The following TRIP12 variants were observed in gnomAD, a reference collection of about 807,000 sequenced individuals.
TRIP12 encodes the protein thyroid hormone receptor interactor 12, also known as E3 ubiquitin-protein ligase TRIP12.
TRIP12 carries 25 observed loss-of-function variants against 244.2 expected under a neutral mutation model. That is an observed-to-expected ratio of 0.10 (90% confidence interval 0.07 to 0.14). The LOEUF is 0.14. Among genes scored for constraint, TRIP12 ranks in the 10% least tolerant of loss-of-function variants. TRIP12 has a pLI of 1.00. For missense variants in TRIP12, 1,677 were observed against 2,486.4 expected, an observed-to-expected ratio of 0.67 and a Z score of 6.92; for synonymous variants, 905 against 873.1, an observed-to-expected ratio of 1.04 and a Z score of -0.64.
At chr2:229,897,519 G>A (rs1200654157) in intron 1 of TRIP12, among the ~76,000 whole-genome samples, 1 of 152,086 alleles carries the variant, frequency 6.6e-6, no homozygotes, top group Non-Finnish European at 1.5e-5. Flanking sequence ...GTGGTGGCAT[G>A]CGCCTGTAAT....
At chr2:229,837,256 A>T (rs947179357) in intron 5 of TRIP12, among the ~76,000 whole-genome samples, 1 of 152,230 alleles carries the variant, frequency 6.6e-6, no homozygotes, top group Non-Finnish European at 1.5e-5. Flanking sequence ...AACACTTCCA[A>T]CTAAAAAGAA....
intron 1 of TRIP12, among the ~76,000 whole-genome samples, chr2:229,913,130 A>G (rs534172293): frequency 6.6e-6 from 1 of 152,314 alleles, no homozygotes; most frequent in East Asian, 1.9e-4. Flanking sequence ...AATTACAGGC[A>G]TGAGCCACAG....
chr2:229,867,141 C>G (rs1576344635), intron 2 of TRIP12, among the ~76,000 whole-genome samples: 1 of 130,562 alleles, frequency 7.7e-6, no homozygotes, highest in South Asian at 2.5e-4. Context: ...TATGGTCAGA[C>G]AGGGAAGGTT....
chr2:229,876,680 G>A (rs1277542374), intron 2 of TRIP12, among the ~76,000 whole-genome samples: 1 of 152,108 alleles, frequency 6.6e-6, no homozygotes, highest in African/African-American at 2.4e-5. Context: ...TATTTTTTGA[G>A]ACAGGGTCTT....
intron 1 of TRIP12, among the ~76,000 whole-genome samples, chr2:229,890,140 C>G (rs551262224): frequency 6.8e-6 from 1 of 147,074 alleles, no homozygotes; most frequent in African/African-American, 2.6e-5. Flanking sequence ...AGTGCAATGG[C>G]GCAGTCTAGG....
chr2:229,794,515 A>G (rs1336430422), intron 26 of TRIP12, among the ~76,000 whole-genome samples: 4 of 152,152 alleles, frequency 2.6e-5, no homozygotes, highest in African/African-American at 9.7e-5. Context: ...GCAGTGAGCC[A>G]TGTTCACACT....
chr2:229,852,266 T>C (rs2058855112), intron 4 of TRIP12, among the ~76,000 whole-genome samples: 1 of 152,228 alleles, frequency 6.6e-6, no homozygotes, highest in Non-Finnish European at 1.5e-5. Context: ...AACTTAAGTT[T>C]TTCTATAAAC....
At chr2:229,888,370 TC>T (rs2066498137) in intron 1 of TRIP12, among the ~76,000 whole-genome samples, 1 of 151,946 alleles carries the variant, frequency 6.6e-6, no homozygotes, top group Non-Finnish European at 1.5e-5. Context: ...GATTCTATTT[TC>T]TCTATGAAAA....
At chr2:229,841,124 C>T (rs1455739773) in intron 4 of TRIP12, among the ~76,000 whole-genome samples, 197 bp from the exon 5 acceptor site, 2 of 152,176 alleles carry the variant, frequency 1.3e-5, no homozygotes, top group South Asian at 2.1e-4. Flanking sequence ...AGTTCAGGAT[C>T]GGTCTTCTCA....
At chr2:229,892,671 G>A (rs1176810769) in intron 1 of TRIP12, among the ~76,000 whole-genome samples, 2 of 152,082 alleles carry the variant, frequency 1.3e-5, no homozygotes, top group African/African-American at 2.4e-5. Context: ...TTTGAGACCA[G>A]CCTGGGCAGC....
chr2:229,855,339 TGTAAG>T (rs2059411226), intron 4 of TRIP12, among the ~76,000 whole-genome samples: 3 of 152,294 alleles, frequency 2.0e-5, no homozygotes, highest in African/African-American at 7.2e-5. Flanking sequence ...AGATGACTCA[TGTAAG>T]GTATTCAGAA....
chr2:229,829,196 C>A lies in TRIP12; in HGVS notation c.1447G>T (p.Ala483Ser). Reference protein sequence around the residue: ...QLFHRTIGSGASSKAQQLLQG... With the variant: ...QLFHRTIGSGSSSKAQQLLQG... ...GGGAAGGAACATTTTTACTTACTAG[C>A]TCCACTTCCAATTGTTCTATGGAAA... Residue 483 changes from alanine (A) to serine (S), a missense_variant, in exon 8 of 42, where the codon GCT becomes TCT. By Grantham distance (99) the Ala-to-Ser change is moderately conservative (BLOSUM62 1). Coordinates refer to ENST00000675903, the MANE Select transcript of TRIP12 (RefSeq NM_001348323.3). 1 of 1,613,742 alleles carries A rather than the reference C, an allele frequency of 6.2e-7. No individual in the cohort carries two copies. Among genetic ancestry groups the A allele is most frequent in the South Asian group, 1.1e-5 (1 of 91,018 alleles).
intron 2 of TRIP12, among the ~76,000 whole-genome samples, chr2:229,861,162 A>G (rs1472007851): frequency 6.6e-6 from 1 of 152,218 alleles, no homozygotes; most frequent in Non-Finnish European, 1.5e-5. Flanking sequence ...AAAGTCCTGG[A>G]GAAATATGGA....
chr2:229,807,652 C>T (rs773929284), intron 17 of TRIP12, 56 bp downstream of exon 17: 3 of 1,604,826 alleles, frequency 1.9e-6, no homozygotes, highest in East Asian at 2.2e-5. Context: ...CATTCCATCC[C>T]TACACCCACT....
upstream of TRIP12, chr2:229,922,346 G>C (rs555364024): frequency 3.8e-4 from 241 of 627,974 alleles, no homozygotes; most frequent in East Asian, 4.0e-3. Context: ...GAAATTTCAC[G>C]GATCAGGGTT....
intron 4 of TRIP12, among the ~76,000 whole-genome samples, chr2:229,843,413 G>A (rs190669320): frequency 1.4e-4 from 22 of 152,270 alleles, no homozygotes; most frequent in Admixed American, 1.1e-3. Context: ...CAATACAGAC[G>A]TATCTATAAA....
At chr2:229,782,945 TGAAA>T (rs2038750378) in intron 34 of TRIP12, among the ~76,000 whole-genome samples, 1 of 151,952 alleles carries the variant, frequency 6.6e-6, no homozygotes, top group South Asian at 2.1e-4. Flanking sequence ...AAAAATTAGG[TGAAA>T]GAAGAGGGGG....
In TRIP12 at chr2:229,858,933, C is replaced by G. The variant is rs750845263; in HGVS notation, c.866G>C (p.Arg289Thr). The part of the protein sequence containing the change: ...ASSPSPRRSS[R>T]EKEQSKTGGS... ...ACCAGTTTTACTCTGTTCCTTTTCC[C>G]TGCTACTTCTTCTGGGGCTGGGACT... Residue 289 changes from arginine (R) to threonine (T), a missense_variant, in exon 4 of 42, where the codon AGG (arginine) becomes ACG (threonine). Physicochemically the swap from Arg to Thr is moderately conservative, Grantham distance 71. Around this residue, in one of 11 missense-constraint regions of TRIP12, gnomAD observed 387 missense variants for 392.6 expected, o/e 0.99. Transcript: ENST00000675903. 6.2e-7 allele frequency: 1 copy of G among 1,614,092 alleles called. No homozygotes were observed. Among genetic ancestry groups the G allele is most frequent in the Non-Finnish European group, 8.5e-7 (1 of 1,180,046 alleles).
At chr2:229,889,344 C>T (rs2066800927) in intron 1 of TRIP12, among the ~76,000 whole-genome samples, 1 of 152,182 alleles carries the variant, frequency 6.6e-6, no homozygotes, top group Admixed American at 6.5e-5. Flanking sequence ...ATAGCTATTG[C>T]TAAGCTATTT....
Sources: allele counts gnomAD v4.1 joint callset (sites outside exome capture counted in the v4.1 genomes callset), GRCh38; gene constraint gnomAD v4.1.1; regional missense constraint gnomAD v4.1.1; transcripts MANE v1.5; gene names NCBI Gene and HGNC (gene_info 2026-07-23, HGNC 2026-07-21).